C3orf20: variants seen among roughly 807,000 people sequenced by gnomAD.
C3orf20 encodes family with sequence similarity 149 member C, also known as uncharacterized protein C3orf20.
In C3orf20, 76 loss-of-function variants were observed where a neutral mutation model predicts 88.3. That is an observed-to-expected ratio of 0.86 (90% CI 0.72 to 1.04). The LOEUF is 1.04. C3orf20 is among the 50% of genes least tolerant of loss of function. C3orf20 has a pLI of 0.00. For synonymous variants in C3orf20, 436 were observed against 437.4 expected, an observed-to-expected ratio of 1.00 and a Z score of 0.04; for missense variants, 1,056 against 1,123.3, an observed-to-expected ratio of 0.94 and a Z score of 0.86.
chr3:14,751,390 C>T (rs537827953), intron 12 of C3orf20, among the ~76,000 whole-genome samples: 112 of 152,226 alleles, frequency 7.4e-4, no homozygotes, highest in African/African-American at 2.3e-3. Context: ...GTGCAGCCCC[C>T]GGAGGGCAAG....
At chr3:14,723,797 ATTTTATTTTATTTTATTT>A (rs1223431502) in intron 10 of C3orf20, among the ~76,000 whole-genome samples, 26 of 8,322 alleles carry the variant, frequency 3.1e-3, no homozygotes, top group Admixed American at 0.014. Context: ...ATTTTATTTT[ATTTTATTTTATTTTATTT>A]TATTTTATTT....
intron 12 of C3orf20, among the ~76,000 whole-genome samples, chr3:14,756,353 A>G (rs1255763692): frequency 6.6e-6 from 1 of 152,026 alleles, no homozygotes; most frequent in East Asian, 2.0e-4. Flanking sequence ...TTGAATATTT[A>G]TTGAATCTCT....
rs193269334 is a variant in C3orf20 at position 14,682,592 on chromosome 3, A to G, written c.-122A>G. On this transcript the variant is annotated 5_prime_UTR_variant, in exon 3 of 17. An upstream start codon of the reference 5' UTR is lost. Transcript: ENST00000253697. ...TTTCCGGATAGGAACCACTGGCTCA[A>G]TGACCTGTAAGGGCCGTTTCAGCAC... is the stretch of plus-strand genomic sequence containing the variant. The G allele has an allele frequency of 3.5e-4, 454 of 1,295,140 alleles. 5 individuals carry two copies. In the Admixed American group the frequency reaches 9.7e-3, roughly 28 times the overall value. 80.2% of individuals were successfully genotyped at this position (1,295,140 alleles called of 1,614,324 possible).
Position 14,718,750 on chromosome 3 carries a change from G to A in C3orf20, c.1435-2903G>A, listed in dbSNP as rs150818012. ...TGAAACCACAAACTTTGTTTCACCTGCAGAAGCTCACGTCTCAGTTCAGTT... is the reference window on the plus strand; with the variant it reads ...TGAAACCACAAACTTTGTTTCACCTACAGAAGCTCACGTCTCAGTTCAGTT... On this transcript the variant is annotated intron_variant, in intron 9 of 16. Transcript: ENST00000253697. Among the ~76,000 whole-genome samples the A allele has an allele frequency of 4.8e-3, 734 of 152,326 alleles. 6 individuals carry two copies. Among genetic ancestry groups the A allele is most frequent in the African/African-American group, 0.017 (689 of 41,576 alleles).
Position 14,768,556 on chromosome 3 carries a change from G to T in C3orf20, c.2496-3511G>T, listed in dbSNP as rs1335440087. Among the ~76,000 whole-genome samples the T allele has an allele frequency of 1.3e-5, 2 of 152,038 alleles. No homozygotes were observed. Among genetic ancestry groups the T allele is most frequent in the Non-Finnish European group, 2.9e-5 (2 of 68,044 alleles). ...GTTGGGCTTTAGACTCATGAACCTG[G>T]CAGGGACTGGGTTGGGGCTAAGCAG... On this transcript the variant is annotated intron_variant, in intron 15 of 16. Transcript: ENST00000253697. The surrounding 1 kb of genome is among the most constrained non-coding windows in gnomAD (Gnocchi z 4.1).
Position 14,760,024 on chromosome 3 carries a change from A to G in C3orf20, c.2352+26A>G, listed in dbSNP as rs753362417. ...GTGAGCCAGCAGGGACTTGCTATCC[A>G]CTGCCTGCCACCCCAGCCGCAGCCA... is the stretch of plus-strand genomic sequence containing the variant. On this transcript the variant is annotated intron_variant, in intron 14 of 16. Coordinates refer to ENST00000253697, the MANE Select transcript of C3orf20 (RefSeq NM_032137.5). 3.2e-6 allele frequency: 5 copies of G among 1,540,092 alleles called. No homozygotes were observed. The Admixed American group carries it at 6.7e-5, about 21-fold the overall frequency.
At chr3:14,718,333 A>G (rs1017206681) in intron 9 of C3orf20, among the ~76,000 whole-genome samples, 6 of 152,154 alleles carry the variant, frequency 3.9e-5, no homozygotes, top group Non-Finnish European at 8.8e-5. Context: ...TTATGATAAT[A>G]ATATAATAAT....
chr3:14,718,421 G>T (rs947677002), intron 9 of C3orf20, among the ~76,000 whole-genome samples: 1 of 152,014 alleles, frequency 6.6e-6, no homozygotes, highest in African/African-American at 2.4e-5. Flanking sequence ...TCTCTGCTGA[G>T]ATTCCATATT....
rs115836262 is a variant in C3orf20 at position 14,726,878 on chromosome 3, C to G, written c.1567-23C>G. 2.3e-4 allele frequency: 376 copies of G among 1,613,592 alleles called. 3 individuals are homozygous for G. The African/African-American group carries it at 3.6e-3, about 15-fold the overall frequency. On this transcript the variant is annotated intron_variant, in intron 10 of 16. Coordinates refer to ENST00000253697, the MANE Select transcript of C3orf20 (RefSeq NM_032137.5). Reference sequence around the variant, plus strand: ...CTCTTTGAGGGGATGGTGACACCCGCCCTCCCCTTTGCCCCTCTCCAGCTG... The same window carrying G: ...CTCTTTGAGGGGATGGTGACACCCGGCCTCCCCTTTGCCCCTCTCCAGCTG...
chr3:14,739,792 T>C (rs898666687), intron 12 of C3orf20, among the ~76,000 whole-genome samples: 18 of 152,376 alleles, frequency 1.2e-4, no homozygotes, highest in African/African-American at 4.3e-4. Context: ...CTGCTTCACC[T>C]TGTACTGTTG....
At chr3:14,748,349 TTTCTC>T (rs1463514642) in intron 12 of C3orf20, among the ~76,000 whole-genome samples, 1 of 152,158 alleles carries the variant, frequency 6.6e-6, no homozygotes, top group Non-Finnish European at 1.5e-5. Context: ...ATTTGCAACT[TTTCTC>T]TTTTAGTCAG....
At chr3:14,713,882 T>G (rs2033841256) in intron 7 of C3orf20, 125 bp from the exon 8 acceptor site, 1 of 942,520 alleles carries the variant, frequency 1.1e-6, no homozygotes, top group Non-Finnish European at 1.6e-6. Context: ...GCAAGGAGGG[T>G]GTTTGAAGAT....
At chr3:14,690,348 T>G (rs2032664203) in intron 5 of C3orf20, among the ~76,000 whole-genome samples, 1 of 152,214 alleles carries the variant, frequency 6.6e-6, no homozygotes, top group Non-Finnish European at 1.5e-5. Flanking sequence ...CATTTCAGCT[T>G]GCTCATGCCC....
At chr3:14,687,084 A>G (rs2032474531) in intron 4 of C3orf20, among the ~76,000 whole-genome samples, 1 of 152,186 alleles carries the variant, frequency 6.6e-6, no homozygotes, top group East Asian at 1.9e-4. Context: ...AGAAGGGAAA[A>G]CCGAATACAG....
intron 12 of C3orf20, among the ~76,000 whole-genome samples, chr3:14,729,343 G>A (rs1487591523): frequency 2.0e-5 from 3 of 152,172 alleles, no homozygotes; most frequent in African/African-American, 7.2e-5. Flanking sequence ...AGGAACACCA[G>A]GCAGCGGGCA....
intron 3 of C3orf20, among the ~76,000 whole-genome samples, chr3:14,683,605 C>T (rs1293447337): frequency 3.9e-5 from 6 of 152,022 alleles, no homozygotes; most frequent in Non-Finnish European, 5.9e-5. Flanking sequence ...AGGCCAGGCG[C>T]GGTGGCTCAC....
chr3:14,682,770 C>A lies in C3orf20; in HGVS notation c.57C>A (p.Pro19=). The part of the protein sequence containing the change: ...ELYQQYTAMA[P]KLLARISKLL... ...ATCAGCAATACACAGCCATGGCCCC[C>A]AAGCTACTGGCCCGCATCTCCAAAC... Residue 19 remains proline, a synonymous_variant, in exon 3 of 17, where the codon CCC becomes CCA. Coordinates refer to ENST00000253697, the MANE Select transcript of C3orf20 (RefSeq NM_032137.5). 1 of 1,614,152 alleles carries A rather than the reference C, an allele frequency of 6.2e-7. No homozygotes were observed. The highest frequency in any genetic ancestry group is 8.5e-7 in the Non-Finnish European group (1 of 1,180,020).
intron 15 of C3orf20, among the ~76,000 whole-genome samples, chr3:14,770,945 G>A (rs767851249): frequency 1.2e-4 from 19 of 152,222 alleles, no homozygotes; most frequent in Non-Finnish European, 1.9e-4. Context: ...GCTGTGAGGT[G>A]TGGCACAGAG....
chr3:14,722,798 G>A (rs1400558040), intron 10 of C3orf20, among the ~76,000 whole-genome samples: 12 of 152,310 alleles, frequency 7.9e-5, no homozygotes, highest in Middle Eastern at 3.4e-3. Context: ...CTTTCATTCA[G>A]TGGGTCATCA....
Sources: gnomAD v4.1 joint callset for allele counts (sites outside exome capture counted in the v4.1 genomes callset) on GRCh38, gnomAD v4.1.1 for gene constraint, Gnocchi (gnomAD v3.1) non-coding constraint, MANE v1.5 for transcripts, NCBI Gene and HGNC (gene_info 2026-07-23, HGNC 2026-07-21) for gene names.